RRP1: variants seen among roughly 807,000 people sequenced by gnomAD.
RRP1 encodes ribosomal RNA processing protein 1 homolog A.
In RRP1, 37 loss-of-function variants were observed where a neutral mutation model predicts 54.6. The ratio of observed to expected loss-of-function variants is 0.68; its 90% CI spans 0.52 to 0.89. The LOEUF is 0.89. RRP1 is among the 40% of genes least tolerant of loss of function. The pLI, the probability that RRP1 is intolerant of heterozygous loss-of-function variation, is 0.00. For missense variants in RRP1, 639 were observed against 612.5 expected, an observed-to-expected ratio of 1.04 and a Z score of -0.46; for synonymous variants, 262 against 244.3, an observed-to-expected ratio of 1.07 and a Z score of -0.67.
intron 3 of RRP1, 191 bp from the exon 4 acceptor site, chr21:43,793,128 C>T (rs2084977694): frequency 1.7e-6 from 1 of 599,624 alleles, no homozygotes; most frequent in African/African-American, 1.9e-5. Context: ...GTAGGACTCA[C>T]TTGAGGAGCC....
chr21:43,794,701 G>C (rs1053420620), intron 4 of RRP1, among the ~76,000 whole-genome samples: 5 of 152,186 alleles, frequency 3.3e-5, no homozygotes, highest in African/African-American at 7.2e-5. Context: ...AGGCTTGGCG[G>C]GAGGGCCTTC....
At chr21:43,800,824 GC>G in intron 10 of RRP1, 37 bp from the exon 11 acceptor site, 1 of 1,612,662 alleles carries the variant, frequency 6.2e-7, no homozygotes, top group Non-Finnish European at 8.5e-7. Flanking sequence ...TGCGGAAGCC[GC>G]AGCTGTGGTA....
At chr21:43,791,455 C>T (rs1475843524) in intron 2 of RRP1, 23 bp downstream of exon 2, 2 of 1,609,802 alleles carry the variant, frequency 1.2e-6, no homozygotes, top group Non-Finnish European at 1.7e-6. Context: ...AGCAGCAGAG[C>T]AGGTACAGAA....
chr21:43,789,898 C>A, intron 1 of RRP1, 136 bp downstream of exon 1: 1 of 1,108,948 alleles, frequency 9.0e-7, no homozygotes, highest in Non-Finnish European at 1.2e-6. Context: ...GCGGGGTCCA[C>A]TGGCCTGTTC....
rs2085033220 is a variant in RRP1 at position 43,797,521 on chromosome 21, G to A, written c.522G>A (p.Leu174=). Residue 174 remains leucine (L), a synonymous_variant, in exon 6 of 13, where the codon CTG becomes CTA. Transcript: ENST00000497547. ...AGAGCCACTTCATCGAGATCTTCCT[G>A]GAGGAGCTGACCAAAGTGGGCGCCG... ...GVKSHFIEIF[L]EELTKVGAEE... is the part of the protein sequence containing the mutation. 9 of 1,613,938 alleles carry A rather than the reference G, an allele frequency of 5.6e-6. No individual in the cohort carries two copies. The highest frequency in any genetic ancestry group is 1.7e-5 in the Admixed American group (1 of 60,004).
intron 7 of RRP1, 101 bp from the exon 8 acceptor site, chr21:43,797,806 G>C (rs369404168): frequency 6.4e-7 from 1 of 1,558,510 alleles, no homozygotes; most frequent in Non-Finnish European, 8.8e-7. Flanking sequence ...CAGAGTGGCC[G>C]CTGGCCGTGT....
In RRP1 at chr21:43,800,759, C is replaced by T. The variant is rs562172691; in HGVS notation, c.990-103C>T. 16 of 1,559,574 alleles carry T rather than the reference C, an allele frequency of 1.0e-5. No individual in the cohort carries two copies. In the Admixed American group the frequency reaches 2.7e-4, roughly 26 times the overall value. The stretch of plus-strand genomic sequence containing the variant: ...AGGACCCTGAGACCGTCCCCAGCCC[C>T]TGGGGTTCCCCTGGCTAGGAACCTG... On this transcript the variant is annotated intron_variant, in intron 10 of 12. Coordinates refer to ENST00000497547, the MANE Select transcript of RRP1 (RefSeq NM_003683.6).
At chr21:43,802,607 C>G (rs77924483) in intron 12 of RRP1, 9,954 of 532,832 alleles carry the variant, frequency 0.019, 715 homozygotes, top group African/African-American at 0.16. Flanking sequence ...CTGCAGCTCC[C>G]CCGAGCTGTG....
intron 11 of RRP1, 50 bp downstream of exon 11, chr21:43,800,931 C>T (rs933059380): frequency 6.2e-7 from 1 of 1,600,402 alleles, no homozygotes; most frequent in Non-Finnish European, 8.6e-7. Context: ...AGGTGGAGCT[C>T]CATCCTCGTG....
chr21:43,800,782 C>G (rs1385409430), intron 10 of RRP1, 80 bp from the exon 11 acceptor site: 1 of 1,596,384 alleles, frequency 6.3e-7, no homozygotes, highest in Non-Finnish European at 8.6e-7. Flanking sequence ...GGCTAGGAAC[C>G]TGCAGCCGCT....
chr21:43,796,808 T>C (rs2085022803), intron 5 of RRP1, among the ~76,000 whole-genome samples: 1 of 152,204 alleles, frequency 6.6e-6, no homozygotes, highest in South Asian at 2.1e-4. Flanking sequence ...TCCAGATGCA[T>C]GTAGGTGCTA....
rs1358319765 is a variant in RRP1 at position 43,803,865 on chromosome 21, C to G, written c.*91C>G. 2 of 1,418,156 alleles carry G rather than the reference C, an allele frequency of 1.4e-6. No homozygotes were observed. Among genetic ancestry groups the G allele is most frequent in the African/African-American group, 2.9e-5 (2 of 69,716 alleles). The allele number at this position is 1,418,156 out of a possible 1,614,324, so 87.8% of individuals were successfully genotyped here. A position where few individuals can be genotyped will look rare whatever the true frequency, so the allele number is the denominator to read the frequency against. On this transcript the variant is annotated 3_prime_UTR_variant, in exon 13 of 13. Transcript: ENST00000497547. ...ACCGGGCTGTTCTGTAGACTCAGGA[C>G]CGTGGCTCCAGAACTCCTGTGCCAG...
In RRP1 at chr21:43,798,036, G is replaced by C. The variant is rs771393239; in HGVS notation, c.747G>C (p.Glu249Asp). The C allele has an allele frequency of 6.2e-7, 1 of 1,614,192 alleles. No homozygotes were observed. Among genetic ancestry groups the C allele is most frequent in the Non-Finnish European group, 8.5e-7 (1 of 1,180,018 alleles). Reference sequence around the variant, plus strand: ...AGGAGGTGGCGTCGGACAGTGATGAGTCCTCTGAGGGTGGTGAGCGTGGAG... The same window carrying C: ...AGGAGGTGGCGTCGGACAGTGATGACTCCTCTGAGGGTGGTGAGCGTGGAG... Reference protein sequence around the residue: ...QDEEVASDSDESSEGGERGDA... With the variant: ...QDEEVASDSDDSSEGGERGDA... Residue 249 changes from glutamate (E) to aspartate (D), a missense_variant, in exon 8 of 13, where the codon GAG (glutamate) becomes GAC (aspartate). Glu to Asp is a conservative substitution (Grantham distance 45, BLOSUM62 2). Coordinates refer to ENST00000497547, the MANE Select transcript of RRP1 (RefSeq NM_003683.6).
Position 43,797,693 on chromosome 21 carries a change from G to A in RRP1, c.615G>A (p.Lys205=). The A allele has an allele frequency of 6.2e-7, 1 of 1,613,744 alleles. No individual in the cohort carries two copies. Among genetic ancestry groups the A allele is most frequent in the Non-Finnish European group, 8.5e-7 (1 of 1,180,028 alleles). The stretch of plus-strand genomic sequence containing the variant: ...TCTGCAGAATTGCTGCCCGGACCAA[G>A]GAGTAAGTGGTGGGTGGCCTGATCG... ...DPFCRIAART[K]DSLVLNNITR... is the part of the protein sequence containing the mutation. The change falls in exon 7 of 13, where the codon AAG becomes AAA. Residue 205 remains lysine (K), a splice_region_variant and synonymous_variant. Transcript: ENST00000497547.
At chr21:43,792,133 G>A (rs2084966508) in intron 2 of RRP1, among the ~76,000 whole-genome samples, 1 of 152,208 alleles carries the variant, frequency 6.6e-6, no homozygotes, top group Non-Finnish European at 1.5e-5. Flanking sequence ...AAAATCTCCT[G>A]GGTGGTGAGG....
chr21:43,802,247 C>A (rs767486300), intron 11 of RRP1, 27 bp from the exon 12 acceptor site: 2 of 1,555,224 alleles, frequency 1.3e-6, no homozygotes, highest in African/African-American at 1.4e-5. Context: ...CCCCCGAGAG[C>A]CCCCTGACTT....
intron 3 of RRP1, 95 bp downstream of exon 3, chr21:43,792,824 C>G: frequency 7.4e-7 from 1 of 1,358,352 alleles, no homozygotes; most frequent in Non-Finnish European, 1.1e-6. Flanking sequence ...TTCTCAAATC[C>G]AGAGTAAGGA....
intron 11 of RRP1, among the ~76,000 whole-genome samples, chr21:43,801,160 G>A (rs2085086006): frequency 6.6e-6 from 1 of 152,226 alleles, no homozygotes; most frequent in South Asian, 2.1e-4. Flanking sequence ...TGACCGCGGT[G>A]CTGCTGCTGG....
At position 43,797,614 on chromosome 21, in the gene RRP1, G is replaced by T. The variant is rs193217787; in HGVS notation, c.553-17G>T. On this transcript the variant is annotated splice_polypyrimidine_tract_variant and intron_variant, in intron 6 of 12. Coordinates refer to ENST00000497547, the MANE Select transcript of RRP1 (RefSeq NM_003683.6). ...TTTGTGGAGGAGGAACTGAGCTCCC[G>T]CTGGCTTTCCCCGTAGCTTACGGCA... 2.5e-6 allele frequency: 4 copies of T among 1,614,034 alleles called. No homozygotes were observed. Among genetic ancestry groups the T allele is most frequent in the African/African-American group, 1.3e-5 (1 of 74,914 alleles).
Sources: gnomAD v4.1 joint callset for allele counts (sites outside exome capture counted in the v4.1 genomes callset) on GRCh38, gnomAD v4.1.1 for gene constraint, MANE v1.5 for transcripts, NCBI Gene and HGNC (gene_info 2026-07-23, HGNC 2026-07-21) for gene names.